The following FHOD3 variants were observed in gnomAD, a reference collection of about 807,000 sequenced individuals.
The protein encoded by FHOD3 is FH1/FH2 domain-containing protein 3.
FHOD3 carries 90 observed loss-of-function variants against 173.0 expected under a neutral mutation model. The observed-to-expected ratio is 0.52, with a 90% CI of 0.44 to 0.62. FHOD3 has a LOEUF of 0.62. Ranked by LOEUF, FHOD3 falls within the 20% of genes least tolerant of loss-of-function variation. FHOD3 has a pLI of 0.00. For synonymous variants in FHOD3, 828 were observed against 823.0 expected (o/e 1.01, Z -0.10); for missense variants, 1,945 against 2,034.7 (o/e 0.96, Z 0.85).
intron 3 of FHOD3, among the ~76,000 whole-genome samples, chr18:36,499,612 G>A (rs994135550): frequency 6.6e-6 from 1 of 152,192 alleles, no homozygotes; most frequent in African/African-American, 2.4e-5. Context: ...TGTGAAAGCT[G>A]GAAGAAGTGT....
At chr18:36,435,367 A>G (rs1029961695) in intron 3 of FHOD3, among the ~76,000 whole-genome samples, 1 of 152,136 alleles carries the variant, frequency 6.6e-6, no homozygotes, top group African/African-American at 2.4e-5. Flanking sequence ...TGTAAAACAA[A>G]TTATTGAAAA....
At chr18:36,612,623 T>C (rs11875608) in intron 9 of FHOD3, among the ~76,000 whole-genome samples, 24,606 of 152,184 alleles carry the variant, frequency 0.16, 2,117 homozygotes, top group African/African-American at 0.19. Flanking sequence ...TTTTCTAATT[T>C]GGTATGTAAT....
At chr18:36,730,521 T>C (rs2149914113) in intron 19 of FHOD3, 125 bp from the exon 20 acceptor site, 1 of 904,370 alleles carries the variant, frequency 1.1e-6, no homozygotes, top group Middle Eastern at 2.8e-4. Flanking sequence ...AGCCAGTCCT[T>C]CTCTGAGCTG....
chr18:36,764,877 G>C (rs903654537), intron 27 of FHOD3, among the ~76,000 whole-genome samples: 2 of 152,134 alleles, frequency 1.3e-5, no homozygotes, highest in African/African-American at 4.8e-5. Flanking sequence ...TTAGAGAACT[G>C]TAAAAGGAAA....
At chr18:36,704,379 C>G (rs1418261986) in intron 17 of FHOD3, among the ~76,000 whole-genome samples, 2 of 152,222 alleles carry the variant, frequency 1.3e-5, no homozygotes, top group Non-Finnish European at 2.9e-5. Context: ...CCATGTCTTC[C>G]TTTTATTTCC....
chr18:36,531,488 T>G (rs1179679146), intron 5 of FHOD3, among the ~76,000 whole-genome samples: 1 of 152,086 alleles, frequency 6.6e-6, no homozygotes, highest in African/African-American at 2.4e-5. Flanking sequence ...GAGCTGCCCC[T>G]CCATGTTCTG....
chr18:36,628,478 C>T (rs991795511), intron 10 of FHOD3, among the ~76,000 whole-genome samples: 2 of 152,164 alleles, frequency 1.3e-5, no homozygotes, highest in Admixed American at 6.5e-5. Flanking sequence ...AATGCTTAGT[C>T]TCCCTGTAGA....
chr18:36,779,355 A>T, intron 28 of FHOD3, 93 bp from the exon 29 acceptor site: 1 of 1,117,318 alleles, frequency 9.0e-7, no homozygotes, highest in Non-Finnish European at 1.4e-6. Flanking sequence ...CCTGGGGAGA[A>T]GGGGGGACTG....
chr18:36,730,499 G>C (rs2041301023), intron 19 of FHOD3, 147 bp from the exon 20 acceptor site: 2 of 719,874 alleles, frequency 2.8e-6, no homozygotes, highest in Non-Finnish European at 4.4e-6. Context: ...GATACTTTCT[G>C]TGCTGAACAG....
intron 28 of FHOD3, among the ~76,000 whole-genome samples, chr18:36,775,933 G>C (rs1187620499): frequency 6.6e-6 from 1 of 152,164 alleles, no homozygotes; most frequent in Non-Finnish European, 1.5e-5. Flanking sequence ...TGAGCTTTGA[G>C]GGGAGGCCGT....
At chr18:36,737,937 C>A (rs767011999) in intron 20 of FHOD3, among the ~76,000 whole-genome samples, 7 of 152,188 alleles carry the variant, frequency 4.6e-5, no homozygotes, top group Non-Finnish European at 7.3e-5. Context: ...CCACTGCAGT[C>A]AGGATTTAAA....
chr18:36,663,370 C>G (rs2036940946), intron 14 of FHOD3, among the ~76,000 whole-genome samples: 3 of 152,326 alleles, frequency 2.0e-5, no homozygotes, highest in South Asian at 2.1e-4. Flanking sequence ...CTCCCCTCTT[C>G]CTGCTGTCAG....
intron 3 of FHOD3, among the ~76,000 whole-genome samples, chr18:36,476,362 A>C (rs899635258): frequency 3.9e-5 from 6 of 152,194 alleles, no homozygotes; most frequent in African/African-American, 1.4e-4. Flanking sequence ...TTATTCTACC[A>C]ACTTACATCC....
chr18:36,439,081 G>A (rs2050977812), intron 3 of FHOD3, among the ~76,000 whole-genome samples: 1 of 152,192 alleles, frequency 6.6e-6, no homozygotes, highest in African/African-American at 2.4e-5. Flanking sequence ...TAGCTAGCAG[G>A]AGATGCTAAA....
intron 20 of FHOD3, among the ~76,000 whole-genome samples, chr18:36,739,324 CTG>C (rs1446166675): frequency 3.9e-5 from 6 of 152,192 alleles, no homozygotes; most frequent in African/African-American, 1.4e-4. Context: ...TTTGCTGACT[CTG>C]GGCACACTGC....
chr18:36,382,091 G>A (rs1336126856), intron 3 of FHOD3, among the ~76,000 whole-genome samples: 1 of 152,200 alleles, frequency 6.6e-6, no homozygotes. Context: ...GAGGTGAGAT[G>A]GTGGTGGTTT....
intron 2 of FHOD3, among the ~76,000 whole-genome samples, chr18:36,359,127 A>G (rs1185831319): frequency 6.6e-6 from 1 of 151,928 alleles, no homozygotes; most frequent in Non-Finnish European, 1.5e-5. Context: ...TTTTCTCTTG[A>G]TTTCTTTGTG....
intron 24 of FHOD3, among the ~76,000 whole-genome samples, chr18:36,747,972 T>G (rs982762567): frequency 6.6e-6 from 1 of 152,176 alleles, no homozygotes; most frequent in Non-Finnish European, 1.5e-5. Context: ...TATACAGAAC[T>G]TTTTAAAACC....
chr18:36,620,532 G>A (rs536780307), intron 9 of FHOD3, among the ~76,000 whole-genome samples: 1 of 152,172 alleles, frequency 6.6e-6, no homozygotes, highest in Non-Finnish European at 1.5e-5. Context: ...TTCCCTTTGA[G>A]CTACTCTAAG....
Sources: gnomAD v4.1 joint callset for allele counts (sites outside exome capture counted in the v4.1 genomes callset) on GRCh38, gnomAD v4.1.1 for gene constraint, MANE v1.5 for transcripts, NCBI Gene and HGNC (gene_info 2026-07-23, HGNC 2026-07-21) for gene names.